Variants in ASB18 observed in about 807,000 individuals in gnomAD.
ASB18 encodes the protein ankyrin repeat and SOCS box containing 18.
ASB18 carries 33 observed loss-of-function variants against 33.4 expected under a neutral mutation model. The ratio of observed to expected loss-of-function variants is 0.99; its 90% CI spans 0.75 to 1.32. The LOEUF is 1.32. Among genes scored for constraint, ASB18 ranks in the 40% most tolerant of loss-of-function variants. ASB18 has a pLI of 0.00. For missense variants in ASB18, 694 were observed against 655.5 expected (o/e 1.06, Z -0.64); for synonymous variants, 295 against 307.6 (o/e 0.96, Z 0.43).
Position 236,220,576 on chromosome 2 carries a change from T to C in ASB18, c.597-5710A>G, listed in dbSNP as rs1381036917. On this transcript the variant is annotated intron_variant, in intron 3 of 5. Coordinates refer to ENST00000409749, the MANE Select transcript of ASB18 (RefSeq NM_212556.4). This position sits in a 1 kb window ranked among gnomAD's most constrained non-coding sequence, Gnocchi z 5.1. ...GCCTTTTTTTTTTTTTTTAAACAACTATTTATCTTTAGTCCCTGAAACAAC... is the reference window on the plus strand; with the variant it reads ...GCCTTTTTTTTTTTTTTTAAACAACCATTTATCTTTAGTCCCTGAAACAAC... Among the ~76,000 whole-genome samples, 1 of 150,784 alleles carries C rather than the reference T, an allele frequency of 6.6e-6. No homozygotes were observed. The highest frequency in any genetic ancestry group is 1.5e-5 in the Non-Finnish European group (1 of 67,802).
rs772703279 is a variant in ASB18, at chr2:236,259,558, G to A, written c.205+4583C>T. The stretch of plus-strand genomic sequence containing the variant: ...GGGAAGGGATGGCCTTCCAGTGGAC[G>A]TGACCTCCCCTGCATGGGGTCGGAA... On this transcript the variant is annotated intron_variant, in intron 1 of 5. Transcript: ENST00000409749. This position sits in a 1 kb window ranked among gnomAD's most constrained non-coding sequence, Gnocchi z 4.4. 1.0e-4 allele frequency: 48 copies of A among 471,218 alleles called. No homozygotes were observed. The highest frequency in any genetic ancestry group is 2.3e-4 in the South Asian group (15 of 64,552). The allele number at this position is 471,218 out of a possible 1,614,324, so 29.2% of individuals were successfully genotyped here.
At position 236,241,269 on chromosome 2, in the gene ASB18, A is replaced by T. The variant is rs1185231109; in HGVS notation, c.328+11T>A. 6.2e-7 allele frequency: 1 copy of T among 1,613,682 alleles called. No homozygotes were observed. Among genetic ancestry groups the T allele is most frequent in the South Asian group, 1.1e-5 (1 of 91,044 alleles). On this transcript the variant is annotated intron_variant, in intron 2 of 5. Transcript: ENST00000409749. This position sits in a 1 kb window ranked among gnomAD's most constrained non-coding sequence, Gnocchi z 4.2. The stretch of plus-strand genomic sequence containing the variant: ...AAAAATAAATGACTGAGCTTTAAAG[A>T]ACAAGGGTACCTGATAGTCCAAACG...
chr2:236,196,489 C>CT lies in ASB18; in HGVS notation c.1102-105dup. The CT allele has an allele frequency of 1.5e-6, 1 of 667,234 alleles. No homozygotes were observed. The highest frequency in any genetic ancestry group is 4.1e-4 in the Middle Eastern group (1 of 2,456). The allele number at this position is 667,234 out of a possible 1,614,324, so 41.3% of individuals were successfully genotyped here. ...GGGATGCTCTCCCTAGCTGTGTGACCTCCCTACGCCCAAGCCACACAGGGA... is the reference window on the plus strand; with the variant it reads ...GGGATGCTCTCCCTAGCTGTGTGACCTTCCCTACGCCCAAGCCACACAGGGA... On this transcript the variant is annotated intron_variant, in intron 4 of 5. Coordinates refer to ENST00000409749, the MANE Select transcript of ASB18 (RefSeq NM_212556.4). The surrounding 1 kb of genome is among the most constrained non-coding windows in gnomAD (Gnocchi z 5.6).
In ASB18 at chr2:236,259,695, AG is replaced by A; in HGVS notation, c.205+4445del. 4.7e-6 allele frequency: 2 copies of A among 429,566 alleles called. No homozygotes were observed. Among genetic ancestry groups the A allele is most frequent in the Non-Finnish European group, 4.9e-6 (1 of 204,618 alleles). 26.6% of individuals were successfully genotyped at this position (429,566 alleles called of 1,614,324 possible). On this transcript the variant is annotated intron_variant, in intron 1 of 5. Coordinates refer to ENST00000409749, the MANE Select transcript of ASB18 (RefSeq NM_212556.4). The surrounding 1 kb of genome is among the most constrained non-coding windows in gnomAD (Gnocchi z 4.4). ...GGGGCTCAGCCTCAGTGAGCCCAGC[AG>A]GATGTTGGGCATCTCAGGTCCATCC...
rs1023346397 is a variant in ASB18 at position 236,245,948 on chromosome 2, C to T, written c.206-4546G>A. Among the ~76,000 whole-genome samples, 6 of 152,266 alleles carry T rather than the reference C, an allele frequency of 3.9e-5. No individual in the cohort carries two copies. Among genetic ancestry groups the T allele is most frequent in the East Asian group, 3.9e-4 (2 of 5,174 alleles). On this transcript the variant is annotated intron_variant, in intron 1 of 5. Coordinates refer to ENST00000409749, the MANE Select transcript of ASB18 (RefSeq NM_212556.4). This position sits in a 1 kb window ranked among gnomAD's most constrained non-coding sequence, Gnocchi z 4.7. ...GGAAGAACACCATAACGTGGACGCTCGGCTGGCCTAGGGCAGGTCTCAGGT... is the reference window on the plus strand; with the variant it reads ...GGAAGAACACCATAACGTGGACGCTTGGCTGGCCTAGGGCAGGTCTCAGGT...
chr2:236,232,513 TAGAAAAACAATAG>T (rs1258703134), intron 3 of ASB18, among the ~76,000 whole-genome samples: 82 of 151,690 alleles, frequency 5.4e-4, no homozygotes, highest in Non-Finnish European at 9.0e-4. Flanking sequence ...ATCAATGAAA[TAGAAAAACAATAG>T]AGAAAAACAA....
intron 4 of ASB18, among the ~76,000 whole-genome samples, chr2:236,207,907 A>G (rs2060442186): frequency 6.7e-6 from 1 of 150,034 alleles, no homozygotes; most frequent in Admixed American, 6.7e-5. Context: ...GGGTCTTCCT[A>G]GACTCAGACA....
Position 236,214,680 on chromosome 2 carries a change from A to G in ASB18, c.783T>C (p.Gly261=). ...CGTGCTCGTCGGGCCTCCGCGCCGC[A>G]CCGCAGGCCGCGCTCAGAGCCGTCT... ...RGETALSAAC[G]AARRPDEHGR... The change falls in exon 4 of 6, where the codon GGT becomes GGC. Residue 261 remains glycine, a synonymous_variant. Coordinates refer to ENST00000409749, the MANE Select transcript of ASB18 (RefSeq NM_212556.4). This position sits in a 1 kb window ranked among gnomAD's most constrained non-coding sequence, Gnocchi z 6.5. 1.8e-6 allele frequency: 2 copies of G among 1,141,986 alleles called. No homozygotes were observed. Among genetic ancestry groups the G allele is most frequent in the South Asian group, 8.3e-5 (2 of 24,106 alleles). The allele number at this position is 1,141,986 out of a possible 1,614,324, so 70.7% of individuals were successfully genotyped here.
rs1033970236 is a variant in ASB18 at position 236,256,044 on chromosome 2, G to T, written c.205+8097C>A. On this transcript the variant is annotated intron_variant, in intron 1 of 5. Transcript: ENST00000409749. The surrounding 1 kb of genome is among the most constrained non-coding windows in gnomAD (Gnocchi z 4.7). ...ATTTTTAATTTCTATGTATTCATTTGTTTTTTGGAGACCGGCTCTCACTGT... is the reference window on the plus strand; with the variant it reads ...ATTTTTAATTTCTATGTATTCATTTTTTTTTTGGAGACCGGCTCTCACTGT... Among the ~76,000 whole-genome samples, 1 of 152,050 alleles carries T rather than the reference G, an allele frequency of 6.6e-6. No homozygotes were observed. The highest frequency in any genetic ancestry group is 2.4e-5 in the African/African-American group (1 of 41,416).
chr2:236,246,731 C>A (rs1306758360), intron 1 of ASB18, among the ~76,000 whole-genome samples: 1 of 152,204 alleles, frequency 6.6e-6, no homozygotes, highest in African/African-American at 2.4e-5. Flanking sequence ...TCATCTCCTT[C>A]CCCCTTCATT....
Position 236,241,167 on chromosome 2 carries a change from G to T in ASB18, c.328+113C>A. The T allele has an allele frequency of 9.5e-7, 1 of 1,048,178 alleles. No individual in the cohort carries two copies. Among genetic ancestry groups the T allele is most frequent in the Non-Finnish European group, 1.4e-6 (1 of 700,600 alleles). 64.9% of individuals were successfully genotyped at this position (1,048,178 alleles called of 1,614,324 possible). Reference sequence around the variant, plus strand: ...ACTTCATCAGATGTCCTTTTCTTGTGTACGTTAAACCCAGTGCCACTGTGC... The same window carrying T: ...ACTTCATCAGATGTCCTTTTCTTGTTTACGTTAAACCCAGTGCCACTGTGC... On this transcript the variant is annotated intron_variant, in intron 2 of 5. Coordinates refer to ENST00000409749, the MANE Select transcript of ASB18 (RefSeq NM_212556.4). The surrounding 1 kb of genome is among the most constrained non-coding windows in gnomAD (Gnocchi z 4.2).
rs774546919 is a variant in ASB18 at position 236,241,845 on chromosome 2, A to G, written c.206-443T>C. 1.7e-4 allele frequency among the ~76,000 whole-genome samples: 26 copies of G among 152,132 alleles called. No individual in the cohort carries two copies. Among genetic ancestry groups the G allele is most frequent in the Admixed American group, 1.2e-3 (19 of 15,278 alleles). The stretch of plus-strand genomic sequence containing the variant: ...GCACACATTTAATTGTGATGGACTC[A>G]TTTATCCTGCTGTTGGGCAGATGAT... On this transcript the variant is annotated intron_variant, in intron 1 of 5. Coordinates refer to ENST00000409749, the MANE Select transcript of ASB18 (RefSeq NM_212556.4). The surrounding 1 kb of genome is among the most constrained non-coding windows in gnomAD (Gnocchi z 4.2).
In ASB18 at chr2:236,203,693, C is replaced by A. The variant is rs2060417647; in HGVS notation, c.1102-7308G>T. 6.6e-6 allele frequency among the ~76,000 whole-genome samples: 1 copy of A among 152,130 alleles called. No individual in the cohort carries two copies. The highest frequency in any genetic ancestry group is 2.4e-5 in the African/African-American group (1 of 41,416). ...CTAGCCTGGGCAACATGGAGAAACCCTGTTTCTACAAAAAATACAAAAACT... is the reference window on the plus strand; with the variant it reads ...CTAGCCTGGGCAACATGGAGAAACCATGTTTCTACAAAAAATACAAAAACT... On this transcript the variant is annotated intron_variant, in intron 4 of 5. Coordinates refer to ENST00000409749, the MANE Select transcript of ASB18 (RefSeq NM_212556.4). This position sits in a 1 kb window ranked among gnomAD's most constrained non-coding sequence, Gnocchi z 6.0.
rs1322348367 is a variant in ASB18 at position 236,257,507 on chromosome 2, A to G, written c.205+6634T>C. Among the ~76,000 whole-genome samples, 1 of 152,110 alleles carries G rather than the reference A, an allele frequency of 6.6e-6. No homozygotes were observed. The highest frequency in any genetic ancestry group is 1.5e-5 in the Non-Finnish European group (1 of 68,004). ...TCAATGATTTGAAACCAGGGACTCT[A>G]TCTACTGAGATTGTGTGCACGTGTG... On this transcript the variant is annotated intron_variant, in intron 1 of 5. Coordinates refer to ENST00000409749, the MANE Select transcript of ASB18 (RefSeq NM_212556.4). This position sits in a 1 kb window ranked among gnomAD's most constrained non-coding sequence, Gnocchi z 5.5.
chr2:236,202,814 T>TATATATACACACACAC (rs1472095135), intron 4 of ASB18, among the ~76,000 whole-genome samples: 1 of 126,570 alleles, frequency 7.9e-6, no homozygotes, highest in Non-Finnish European at 1.6e-5. Flanking sequence ...TATATATATA[T>TATATATACACACACAC]ACACACACCT....
In ASB18 at chr2:236,225,247, A is replaced by T. The variant is rs2060531639; in HGVS notation, c.597-10381T>A. On this transcript the variant is annotated intron_variant, in intron 3 of 5. Coordinates refer to ENST00000409749, the MANE Select transcript of ASB18 (RefSeq NM_212556.4). This position sits in a 1 kb window ranked among gnomAD's most constrained non-coding sequence, Gnocchi z 5.1. ...AGTGATCCTCCAGACTCAGCCTCCC[A>T]AGTAGCTGAGACTACAGTTGTGTGC... Among the ~76,000 whole-genome samples, 2 of 152,164 alleles carry T rather than the reference A, an allele frequency of 1.3e-5. No individual in the cohort carries two copies. Among genetic ancestry groups the T allele is most frequent in the South Asian group, 4.2e-4 (2 of 4,808 alleles).
In ASB18 at chr2:236,244,710, C is replaced by T. The variant is rs2060636381; in HGVS notation, c.206-3308G>A. 6.6e-6 allele frequency among the ~76,000 whole-genome samples: 1 copy of T among 152,068 alleles called. No individual in the cohort carries two copies. On this transcript the variant is annotated intron_variant, in intron 1 of 5. Transcript: ENST00000409749. This position sits in a 1 kb window ranked among gnomAD's most constrained non-coding sequence, Gnocchi z 6.1. Reference sequence around the variant, plus strand: ...GAAGAGTAACCTGGCTTTTGGGTTGCCCCTTTCACCAAGATCTTCTATAAC... The same window carrying T: ...GAAGAGTAACCTGGCTTTTGGGTTGTCCCTTTCACCAAGATCTTCTATAAC...
Position 236,196,364 on chromosome 2 carries a change from C to G in ASB18, c.1123G>C (p.Val375Leu), listed in dbSNP as rs777517326. Residue 375 changes from valine to leucine, a missense_variant, in exon 5 of 6, where the codon GTC (valine) becomes CTC (leucine). By Grantham distance (32) the Val-to-Leu change is conservative (BLOSUM62 1). Transcript: ENST00000409749. The surrounding 1 kb of genome is among the most constrained non-coding windows in gnomAD (Gnocchi z 5.6). ...FPKVLKTCAS[V>L]PAVIEVLFNS... ...AAAAGCACCTCGATGACTGCGGGGACAGATGCACAGGTCTTCAGCACCTGG... is the reference window on the plus strand; with the variant it reads ...AAAAGCACCTCGATGACTGCGGGGAGAGATGCACAGGTCTTCAGCACCTGG... 8.8e-5 allele frequency: 137 copies of G among 1,564,498 alleles called. No individual in the cohort carries two copies. The highest frequency in any genetic ancestry group is 1.7e-4 in the Middle Eastern group (1 of 5,882).
rs142353320 is a variant in ASB18, at chr2:236,207,208, C to T, written c.1101+7154G>A. 7.2e-5 allele frequency among the ~76,000 whole-genome samples: 11 copies of T among 152,304 alleles called. No individual in the cohort carries two copies. The South Asian group carries it at 1.2e-3, about 17-fold the overall frequency. On this transcript the variant is annotated intron_variant, in intron 4 of 5. Coordinates refer to ENST00000409749, the MANE Select transcript of ASB18 (RefSeq NM_212556.4). ...CAGCAGGAAAGGGTCTGAGGGCACA[C>T]GGGCCAATGGCCCAGCACGGATTTG...
Sources: allele counts gnomAD v4.1 joint callset (sites outside exome capture counted in the v4.1 genomes callset), GRCh38; gene constraint gnomAD v4.1.1; non-coding constraint Gnocchi (gnomAD v3.1); transcripts MANE v1.5; gene names NCBI Gene and HGNC (gene_info 2026-07-23, HGNC 2026-07-21).